Variants in CLSTN2 observed in about 807,000 individuals in gnomAD.
CLSTN2 encodes calsyntenin-2.
Under a neutral mutation model 101.2 loss-of-function variants are expected in CLSTN2, and 48 were observed. The observed-to-expected ratio is 0.47, with a 90% CI of 0.38 to 0.60. CLSTN2 has a LOEUF of 0.60. Among genes scored for constraint, CLSTN2 ranks in the 20% least tolerant of loss-of-function variants. CLSTN2 has a pLI of 0.00. For synonymous variants in CLSTN2, 481 were observed against 463.6 expected, an observed-to-expected ratio of 1.04 and a Z score of -0.48; for missense variants, 1,160 against 1,238.2, an observed-to-expected ratio of 0.94 and a Z score of 0.95.
At chr3:139,975,195 G>A (rs1820411) in intron 1 of CLSTN2, among the ~76,000 whole-genome samples, 2 of 151,966 alleles carry the variant, frequency 1.3e-5, no homozygotes, top group African/African-American at 2.4e-5. Context: ...GCCCTAAGGA[G>A]GGGGAGTAGC....
intron 1 of CLSTN2, among the ~76,000 whole-genome samples, chr3:140,059,736 G>T (rs1192460013): frequency 6.6e-6 from 1 of 152,200 alleles, no homozygotes; most frequent in African/African-American, 2.4e-5. Flanking sequence ...CCCAGGCACT[G>T]ATGGTCTCTT....
intron 9 of CLSTN2, among the ~76,000 whole-genome samples, chr3:140,540,168 A>G (rs1439150389): frequency 1.3e-5 from 2 of 152,152 alleles, no homozygotes; most frequent in Non-Finnish European, 2.9e-5. Flanking sequence ...TTCCAACTCC[A>G]CGAGTTTAGG....
chr3:140,439,594 G>T lies in CLSTN2; in HGVS notation c.788-8925G>T, dbSNP rs142182249. ...ATTGAGAATGTCTAGGGACTAAAAA[G>T]GTTAAAAATATACAGAAAAATTGAA... On this transcript the variant is annotated intron_variant, in intron 5 of 16. Coordinates refer to ENST00000458420, the MANE Select transcript of CLSTN2 (RefSeq NM_022131.3). Among the ~76,000 whole-genome samples, 20 of 152,318 alleles carry T rather than the reference G, an allele frequency of 1.3e-4. No individual in the cohort carries two copies. In the East Asian group the frequency reaches 2.7e-3, roughly 21 times the overall value.
intron 1 of CLSTN2, among the ~76,000 whole-genome samples, chr3:140,007,012 G>A (rs2006972535): frequency 6.6e-6 from 1 of 152,070 alleles, no homozygotes; most frequent in African/African-American, 2.4e-5. Flanking sequence ...TACAAGATTA[G>A]CGTTACTGAT....
chr3:140,308,136 G>A (rs983477545), intron 2 of CLSTN2, among the ~76,000 whole-genome samples: 2 of 152,168 alleles, frequency 1.3e-5, no homozygotes, highest in Non-Finnish European at 2.9e-5. Context: ...CTTAGAATTG[G>A]CTCTTGGCAT....
intron 1 of CLSTN2, among the ~76,000 whole-genome samples, chr3:139,948,349 C>A (rs1301748723): frequency 6.6e-6 from 1 of 151,960 alleles, no homozygotes; most frequent in Non-Finnish European, 1.5e-5. Context: ...CCTGTAATCC[C>A]AGCTACTCAG....
chr3:140,001,408 T>C (rs368771434), intron 1 of CLSTN2, among the ~76,000 whole-genome samples: 2 of 152,266 alleles, frequency 1.3e-5, no homozygotes, highest in South Asian at 2.1e-4. Context: ...TTTAAAACTT[T>C]TTTTGTAAGT....
At chr3:140,186,608 G>C (rs1168849280) in intron 2 of CLSTN2, among the ~76,000 whole-genome samples, 1 of 152,164 alleles carries the variant, frequency 6.6e-6, no homozygotes, top group African/African-American at 2.4e-5. Context: ...AAGGCCAGCT[G>C]TCCCCCATGA....
intron 2 of CLSTN2, among the ~76,000 whole-genome samples, chr3:140,176,609 C>A (rs1428651845): frequency 6.6e-6 from 1 of 152,188 alleles, no homozygotes; most frequent in Non-Finnish European, 1.5e-5. Context: ...GGCTAGAGAG[C>A]CTCTCACTAT....
intron 1 of CLSTN2, among the ~76,000 whole-genome samples, chr3:140,065,494 C>T (rs1316607973): frequency 1.3e-5 from 2 of 152,180 alleles, no homozygotes; most frequent in Non-Finnish European, 2.9e-5. Context: ...TTGATTTATA[C>T]AAAGCTATTG....
intron 8 of CLSTN2, among the ~76,000 whole-genome samples, chr3:140,468,795 G>A (rs72632310): frequency 0.089 from 13,613 of 152,174 alleles, 1,007 homozygotes; most frequent in East Asian, 0.31. Context: ...TTAGAGATCA[G>A]AATTATCACT....
chr3:140,542,467 T>TCTAA (rs1935500785), intron 9 of CLSTN2, among the ~76,000 whole-genome samples: 1 of 151,234 alleles, frequency 6.6e-6, no homozygotes, highest in Non-Finnish European at 1.5e-5. Flanking sequence ...CATGTTTATG[T>TCTAA]CTAATTGTTA....
At chr3:140,100,018 G>T (rs563470802) in intron 1 of CLSTN2, among the ~76,000 whole-genome samples, 2 of 152,078 alleles carry the variant, frequency 1.3e-5, no homozygotes, top group African/African-American at 4.8e-5. Context: ...TTTCTCCTTC[G>T]TTTTCCCTCC....
chr3:140,121,180 G>A (rs1054424752), intron 1 of CLSTN2, among the ~76,000 whole-genome samples: 13 of 152,306 alleles, frequency 8.5e-5, no homozygotes, highest in Admixed American at 7.2e-4. Flanking sequence ...ATGATGAAAA[G>A]GTTACAGGAA....
intron 1 of CLSTN2, among the ~76,000 whole-genome samples, chr3:139,969,435 T>C (rs144169224): frequency 5.9e-5 from 9 of 152,326 alleles, no homozygotes; most frequent in African/African-American, 2.2e-4. Flanking sequence ...GTGCCTCCCC[T>C]GTGCCACAGC....
chr3:139,952,845 G>A (rs1012835170), intron 1 of CLSTN2, among the ~76,000 whole-genome samples: 2 of 152,126 alleles, frequency 1.3e-5, no homozygotes, highest in African/African-American at 4.8e-5. Context: ...TTCTCAGGGA[G>A]CCCCAGGATG....
chr3:140,275,165 A>G (rs1430798994), intron 2 of CLSTN2, among the ~76,000 whole-genome samples: 1 of 152,150 alleles, frequency 6.6e-6, no homozygotes, highest in Non-Finnish European at 1.5e-5. Context: ...TATCCCCTGC[A>G]GGACCAGGCT....
chr3:139,960,392 T>C (rs1473314854), intron 1 of CLSTN2, among the ~76,000 whole-genome samples: 4 of 152,188 alleles, frequency 2.6e-5, no homozygotes, highest in Non-Finnish European at 4.4e-5. Flanking sequence ...TTGACCTCCT[T>C]TGAGGCATCC....
intron 1 of CLSTN2, among the ~76,000 whole-genome samples, chr3:140,074,644 T>C (rs924565445): frequency 6.6e-6 from 1 of 152,222 alleles, no homozygotes; most frequent in African/African-American, 2.4e-5. Flanking sequence ...CTATCATTAC[T>C]CTCGTTTTAC....
Sources: allele counts gnomAD v4.1 joint callset (sites outside exome capture counted in the v4.1 genomes callset), GRCh38; gene constraint gnomAD v4.1.1; transcripts MANE v1.5; gene names NCBI Gene and HGNC (gene_info 2026-07-23, HGNC 2026-07-21).